Variants in MAMDC2 observed in about 807,000 individuals in gnomAD.
MAMDC2 encodes the protein MAM domain containing 2.
MAMDC2 carries 57 observed loss-of-function variants against 89.8 expected under a neutral mutation model. The observed-to-expected ratio is 0.63, with a 90% CI of 0.51 to 0.79. The LOEUF is 0.79. MAMDC2 is among the 30% of genes least tolerant of loss of function. The pLI is 0.00. For missense variants in MAMDC2, 800 were observed against 820.6 expected (o/e 0.97, Z 0.31); for synonymous variants, 313 against 293.4 (o/e 1.07, Z -0.68).
intron 2 of MAMDC2, chr9:70,062,711 T>C (rs1827176288): frequency 6.6e-6 from 1 of 152,190 alleles, no homozygotes; most frequent in African/African-American, 2.4e-5. Context: ...GTGGCCTTCT[T>C]AACTGGATCA....
At chr9:70,074,976 C>G (rs142700186) in intron 2 of MAMDC2, among the ~76,000 whole-genome samples, 2 of 152,234 alleles carry the variant, frequency 1.3e-5, no homozygotes, top group Non-Finnish European at 2.9e-5. Context: ...TGTGCCCAGC[C>G]AAAATCAGGA....
Position 70,067,918 on chromosome 9 carries a change from G to C in MAMDC2, c.148+23221G>C, listed in dbSNP as rs539512499. On this transcript the variant is annotated intron_variant, in intron 2 of 13. Transcript: ENST00000377182. ...ACCTTGGGCAGCCCCATGCAGGTCT[G>C]AATGTGCTGAGCCATGTGATCTTAT... Among the ~76,000 whole-genome samples, 111 of 152,304 alleles carry C rather than the reference G, an allele frequency of 7.3e-4. 1 individual carries two copies. In the South Asian group the frequency reaches 0.022, roughly 31 times the overall value.
chr9:70,088,296 A>C (rs1177156953), intron 2 of MAMDC2: 4 of 152,106 alleles, frequency 2.6e-5, no homozygotes, highest in African/African-American at 9.7e-5. Context: ...TGGGGGAAAA[A>C]CAAGATTGCT....
intron 10 of MAMDC2, chr9:70,169,748 C>G (rs2118529375): frequency 6.6e-6 from 1 of 152,214 alleles, no homozygotes; most frequent in South Asian, 2.1e-4. Flanking sequence ...GGAAGAAGCA[C>G]CATTCTAATA....
In MAMDC2 at chr9:70,065,622, G is replaced by C. The variant is rs73460525; in HGVS notation, c.148+20925G>C. The stretch of plus-strand genomic sequence containing the variant: ...AATACATGGAGGCCCCTGAAAGTTA[G>C]AATAAGGCAGAAAAACCATGTAAAA... On this transcript the variant is annotated intron_variant, in intron 2 of 13. Coordinates refer to ENST00000377182, the MANE Select transcript of MAMDC2 (RefSeq NM_153267.5). Among the ~76,000 whole-genome samples, 500 of 147,016 alleles carry C rather than the reference G, an allele frequency of 3.4e-3. 3 individuals carry two copies. Among genetic ancestry groups the C allele is most frequent in the African/African-American group, 0.011 (421 of 39,680 alleles).
chr9:70,095,476 T>A (rs1828006303), intron 2 of MAMDC2, among the ~76,000 whole-genome samples: 1 of 152,170 alleles, frequency 6.6e-6, no homozygotes, highest in African/African-American at 2.4e-5. Flanking sequence ...TTGAGATTGA[T>A]AGAATTTTGG....
chr9:70,191,663 C>T (rs1347588565), intron 11 of MAMDC2, among the ~76,000 whole-genome samples: 29 of 152,082 alleles, frequency 1.9e-4, no homozygotes, highest in African/African-American at 2.4e-5. Context: ...CAGAACTAAG[C>T]TAACCTGAGG....
intron 12 of MAMDC2, among the ~76,000 whole-genome samples, chr9:70,218,811 T>C (rs1011919292): frequency 1.3e-5 from 2 of 152,220 alleles, no homozygotes; most frequent in Non-Finnish European, 2.9e-5. Flanking sequence ...ATAAAGTGAT[T>C]TTCTTGCAGT....
chr9:70,064,281 A>G (rs1279945542), intron 2 of MAMDC2, among the ~76,000 whole-genome samples: 1 of 152,092 alleles, frequency 6.6e-6, no homozygotes, highest in Non-Finnish European at 1.5e-5. Context: ...AGCAGTGTAC[A>G]CTGAACCCCA....
chr9:70,170,843 G>A, intron 11 of MAMDC2: 1 of 438,222 alleles, frequency 2.3e-6, no homozygotes. Context: ...GCTGCAGCAA[G>A]GATCTAACAG....
At chr9:70,134,371 G>C (rs1887451) in intron 7 of MAMDC2, among the ~76,000 whole-genome samples, 129,558 of 148,510 alleles carry the variant, frequency 0.87, 56,564 homozygotes, top group East Asian at 0.98. Flanking sequence ...CTCTCCCCCT[G>C]CACAACCACA....
chr9:70,139,727 A>C (rs934225649), intron 7 of MAMDC2, among the ~76,000 whole-genome samples: 4 of 152,192 alleles, frequency 2.6e-5, no homozygotes, highest in Non-Finnish European at 5.9e-5. Context: ...ACTAGTTTAC[A>C]GTCCTACCAA....
chr9:70,205,656 A>G (rs2033209446), intron 11 of MAMDC2, among the ~76,000 whole-genome samples: 1 of 152,208 alleles, frequency 6.6e-6, no homozygotes, highest in Admixed American at 6.5e-5. Context: ...TGATCTCCCA[A>G]TAGATCCATT....
chr9:70,174,570 A>AT (rs1205654871), intron 11 of MAMDC2, among the ~76,000 whole-genome samples: 1 of 152,174 alleles, frequency 6.6e-6, no homozygotes, highest in Non-Finnish European at 1.5e-5. Context: ...GCAAAGCCCC[A>AT]TAAGTGAAAG....
At chr9:70,199,797 G>T in intron 11 of MAMDC2, among the ~76,000 whole-genome samples, 1 of 146,650 alleles carries the variant, frequency 6.8e-6, no homozygotes, top group Admixed American at 6.9e-5. Flanking sequence ...TTCTCTGAGG[G>T]CCAGTGATGA....
intron 2 of MAMDC2, chr9:70,081,690 A>G (rs1827657232): frequency 1.3e-5 from 2 of 152,020 alleles, no homozygotes; most frequent in South Asian, 2.1e-4. Flanking sequence ...AGAACTCAAG[A>G]CTTCTCTTGA....
chr9:70,053,978 G>A (rs1826970690), intron 2 of MAMDC2, among the ~76,000 whole-genome samples: 1 of 152,274 alleles, frequency 6.6e-6, no homozygotes, highest in Admixed American at 6.5e-5. Context: ...ATTGATAGGA[G>A]TAATGAGTCA....
intron 7 of MAMDC2, among the ~76,000 whole-genome samples, chr9:70,134,295 C>A (rs1378690042): frequency 1.4e-5 from 2 of 142,236 alleles, no homozygotes; most frequent in East Asian, 4.5e-4. Flanking sequence ...CTGCCCCCCA[C>A]ACCCGGTGCT....
intron 2 of MAMDC2, among the ~76,000 whole-genome samples, chr9:70,095,947 G>T (rs1828017254): frequency 6.6e-6 from 1 of 152,056 alleles, no homozygotes; most frequent in African/African-American, 2.4e-5. Flanking sequence ...CTGCTAGGAT[G>T]AACAACACTG....
Sources: allele counts gnomAD v4.1 joint callset (sites outside exome capture counted in the v4.1 genomes callset), GRCh38; gene constraint gnomAD v4.1.1; transcripts MANE v1.5; gene names NCBI Gene and HGNC (gene_info 2026-07-23, HGNC 2026-07-21).